Variants in TRH observed in about 807,000 individuals in gnomAD.
TRH encodes TSH-releasing factor.
Under a neutral mutation model 5.2 loss-of-function variants are expected in TRH, and 5 were observed. That is an observed-to-expected ratio of 0.95 (90% CI 0.50 to 2.00). The LOEUF (loss-of-function observed/expected upper bound fraction) is 2.00. TRH is among the 30% of genes most tolerant of loss of function. The pLI is 0.01. For missense variants in TRH, 318 were observed against 312.8 expected (o/e 1.02, Z -0.13); for synonymous variants, 131 against 128.6 (o/e 1.02, Z -0.13).
intron 1 of TRH, 52 bp from the exon 2 acceptor site, chr3:129,975,757 C>T: frequency 6.7e-7 from 1 of 1,495,272 alleles, no homozygotes; most frequent in Non-Finnish European, 9.0e-7. Context: ...GGAGATGGAG[C>T]GGGATGTGCT....
rs1378408349 is a variant in TRH at position 129,977,611 on chromosome 3, CGTT to C, written c.*398_*400del. 6.2e-6 allele frequency: 1 copy of C among 162,224 alleles called. No homozygotes were observed. Among genetic ancestry groups the C allele is most frequent in the Non-Finnish European group, 1.3e-5 (1 of 75,030 alleles). 10.0% of individuals were successfully genotyped at this position (162,224 alleles called of 1,614,324 possible). On this transcript the variant is annotated 3_prime_UTR_variant, in exon 3 of 3. Coordinates refer to ENST00000302649, the MANE Select transcript of TRH (RefSeq NM_007117.5). Reference sequence around the variant, plus strand: ...CAGTGAGGGTGGGGTGGGACTGAAGCGTTGTGTGCAAATCCAGCTTCCATCCCC... The same window carrying C: ...CAGTGAGGGTGGGGTGGGACTGAAGCGTGTGCAAATCCAGCTTCCATCCCC...
chr3:129,976,209 C>T (rs2062542893), intron 2 of TRH, among the ~76,000 whole-genome samples, 182 bp downstream of exon 2: 2 of 152,262 alleles, frequency 1.3e-5, no homozygotes, highest in African/African-American at 4.8e-5. Flanking sequence ...TCAGATTCCT[C>T]CCCTGTCTCA....
rs1347706803 is a variant in TRH, at chr3:129,975,826, C to T, written c.10C>T (p.Pro4Ser). ...TAACCCAGACGCCGCGATGCCCGGC[C>T]CTTGGTTGCTGCTCGCTCTGGCTTT... Reference protein sequence around the residue: MPGPWLLLALALTL... With the variant: MPGSWLLLALALTL... The change falls in exon 2 of 3, where the codon CCT becomes TCT. Residue 4 changes from proline (P) to serine (S), a missense_variant. Pro to Ser is a moderately conservative substitution (Grantham distance 74, BLOSUM62 -1). Coordinates refer to ENST00000302649, the MANE Select transcript of TRH (RefSeq NM_007117.5). The T allele has an allele frequency of 1.2e-6, 2 of 1,608,628 alleles. No individual in the cohort carries two copies. The highest frequency in any genetic ancestry group is 1.7e-6 in the Non-Finnish European group (2 of 1,178,754).
At chr3:129,976,673 C>T (rs753377630) in intron 2 of TRH, 26 bp from the exon 3 acceptor site, 2 of 1,596,532 alleles carry the variant, frequency 1.3e-6, no homozygotes, top group Non-Finnish European at 1.7e-6. Context: ...GTCAGGGGCC[C>T]CTCACTGACC....
At chr3:129,976,103 G>C (rs1463582421) in intron 2 of TRH, 76 bp downstream of exon 2, 1 of 1,507,950 alleles carries the variant, frequency 6.6e-7, no homozygotes, top group African/African-American at 1.4e-5. Context: ...GCAAAGGGGA[G>C]GGGAGGCTTG....
intron 2 of TRH, 133 bp from the exon 3 acceptor site, chr3:129,976,566 A>G: frequency 1.0e-6 from 1 of 993,160 alleles, no homozygotes; most frequent in Non-Finnish European, 1.5e-6. Context: ...CCTGAGGGGC[A>G]GGTGCAAGAC....
chr3:129,975,984 G>A lies in TRH; in HGVS notation c.168G>A (p.Arg56=), dbSNP rs775338963. Residue 56 remains arginine (R), a synonymous_variant, in exon 2 of 3, where the codon CGG becomes CGA. Transcript: ENST00000302649. ...AGGTGGAGCGCCTCCTCTTCCTCCGGGAAAACATCCAGCGGCTGCAAGGGG... is the reference window on the plus strand; with the variant it reads ...AGGTGGAGCGCCTCCTCTTCCTCCGAGAAAACATCCAGCGGCTGCAAGGGG... The part of the protein sequence containing the change: ...LRQVERLLFL[R]ENIQRLQGDQ... 1 of 1,614,060 alleles carries A rather than the reference G, an allele frequency of 6.2e-7. No homozygotes were observed.
In TRH at chr3:129,976,968, C is replaced by G; in HGVS notation, c.481C>G (p.Pro161Ala). Residue 161 changes from proline to alanine, a missense_variant, in exon 3 of 3, where the codon CCC (proline) becomes GCC (alanine). Pro to Ala is a conservative substitution (Grantham distance 27, BLOSUM62 -1). Coordinates refer to ENST00000302649, the MANE Select transcript of TRH (RefSeq NM_007117.5). The stretch of plus-strand genomic sequence containing the variant: ...GCACCCAGGCAGAAGGCTGGCAGAT[C>G]CCAAGGCTCAAAGGAGCTGGGAAGA... The part of the protein sequence containing the change: ...RQHPGRRLAD[P>A]KAQRSWEEEE... 6.2e-7 allele frequency: 1 copy of G among 1,613,054 alleles called. No homozygotes were observed. Among genetic ancestry groups the G allele is most frequent in the Non-Finnish European group, 8.5e-7 (1 of 1,179,750 alleles).
At chr3:129,976,670 G>A (rs766048666) in intron 2 of TRH, 29 bp from the exon 3 acceptor site, 1 of 1,593,850 alleles carries the variant, frequency 6.3e-7, no homozygotes, top group Non-Finnish European at 8.6e-7. Flanking sequence ...TGGGTCAGGG[G>A]CCCCTCACTG....
rs1268801293 is a variant in TRH at position 129,976,079 on chromosome 3, G to A, written c.211+52G>A. On this transcript the variant is annotated intron_variant, in intron 2 of 2. Coordinates refer to ENST00000302649, the MANE Select transcript of TRH (RefSeq NM_007117.5). ...GTGGGGCTAGGCTATTGGGAGAGCC[G>A]TGGAAACCTGCCGGCAAAGGGGAGG... 7.0e-6 allele frequency: 11 copies of A among 1,576,530 alleles called. No homozygotes were observed. The East Asian group carries it at 1.4e-4, about 20-fold the overall frequency.
chr3:129,975,456 T>C (rs1407692119), intron 1 of TRH, among the ~76,000 whole-genome samples: 5 of 151,958 alleles, frequency 3.3e-5, no homozygotes, highest in Admixed American at 3.3e-4. Flanking sequence ...GCAATCTCAA[T>C]GGTTGCACTC....
chr3:129,977,312 C>T lies in TRH; in HGVS notation c.*96C>T. 1 of 1,404,620 alleles carries T rather than the reference C, an allele frequency of 7.1e-7. No individual in the cohort carries two copies. Among genetic ancestry groups the T allele is most frequent in the Non-Finnish European group, 9.3e-7 (1 of 1,077,222 alleles). 87.0% of individuals were successfully genotyped at this position (1,404,620 alleles called of 1,614,324 possible). ...ACCTCTGTATTCTCTAGTTAGATCC[C>T]TGACCATAAGCCTGAGCCCCTCCCT... On this transcript the variant is annotated 3_prime_UTR_variant, in exon 3 of 3. Coordinates refer to ENST00000302649, the MANE Select transcript of TRH (RefSeq NM_007117.5).
rs1487065080 is a variant in TRH, at chr3:129,975,925, G to A, written c.109G>A (p.Ala37Thr). 1 of 1,613,586 alleles carries A rather than the reference G, an allele frequency of 6.2e-7. No homozygotes were observed. Among genetic ancestry groups the A allele is most frequent in the Non-Finnish European group, 8.5e-7 (1 of 1,179,898 alleles). The change falls in exon 2 of 3, where the codon GCG (alanine) becomes ACG (threonine). Residue 37 changes from alanine (A) to threonine (T), a missense_variant. By Grantham distance (58) the Ala-to-Thr change is moderately conservative. Coordinates refer to ENST00000302649, the MANE Select transcript of TRH (RefSeq NM_007117.5). ...GGCCCAGCAGGAGGCAGTGACGGCCGCGGAGCATCCGGGCCTGGATGACTT... is the reference window on the plus strand; with the variant it reads ...GGCCCAGCAGGAGGCAGTGACGGCCACGGAGCATCCGGGCCTGGATGACTT... ...EAAQQEAVTAAEHPGLDDFLR... is the reference protein window; with the variant it reads ...EAAQQEAVTATEHPGLDDFLR...
intron 1 of TRH, among the ~76,000 whole-genome samples, 189 bp downstream of exon 1, chr3:129,975,012 G>C (rs931156190): frequency 4.6e-5 from 7 of 152,140 alleles, no homozygotes; most frequent in African/African-American, 1.7e-4. Context: ...CGGGAGGCAC[G>C]GCGCGGGCAC....
rs745353925 is a variant in TRH at position 129,976,993 on chromosome 3, AAGAGGAGGAGGAGGAAGAG to A, written c.511_529del (p.Glu171ArgfsTer4). The A allele has an allele frequency of 6.2e-7, 1 of 1,612,926 alleles. No homozygotes were observed. Among genetic ancestry groups the A allele is most frequent in the Non-Finnish European group, 8.5e-7 (1 of 1,179,648 alleles). ...CCCAAGGCTCAAAGGAGCTGGGAAG[AAGAGGAGGAGGAGGAAGAG>A]AGAGAGGAAGACCTGATGCCTGAAA... On this transcript the variant is annotated frameshift_variant, in exon 3 of 3. Transcript: ENST00000302649. LOFTEE classifies it low-confidence loss of function (END_TRUNC).
rs879718656 is a variant in TRH, at chr3:129,977,253, G to A, written c.*37G>A. On this transcript the variant is annotated 3_prime_UTR_variant, in exon 3 of 3. Transcript: ENST00000302649. The stretch of plus-strand genomic sequence containing the variant: ...CCTGAAGTCGAGTTTGTGGTCTAAG[G>A]ATGTCTTGAGCCCTGTGTGCCCCAC... 1 of 1,509,038 alleles carries A rather than the reference G, an allele frequency of 6.6e-7. No individual in the cohort carries two copies. The highest frequency in any genetic ancestry group is 8.8e-7 in the Non-Finnish European group (1 of 1,132,218). The allele number at this position is 1,509,038 out of a possible 1,614,324, so 93.5% of individuals were successfully genotyped here.
Position 129,976,816 on chromosome 3 carries a change from C to T in TRH, c.329C>T (p.Pro110Leu), listed in dbSNP as rs756356142. ...GAGGAAGAAGGGGGGGCTGTGGGAC[C>T]CCACAAACGGCAGCACCCTGGCCGA... is the stretch of plus-strand genomic sequence containing the variant. Reference protein sequence around the residue: ...EEEEEGGAVGPHKRQHPGRRE... With the variant: ...EEEEEGGAVGLHKRQHPGRRE... The change falls in exon 3 of 3, where the codon CCC becomes CTC. Residue 110 changes from proline (P) to leucine (L), a missense_variant. Coordinates refer to ENST00000302649, the MANE Select transcript of TRH (RefSeq NM_007117.5). 10 of 1,613,580 alleles carry T rather than the reference C, an allele frequency of 6.2e-6. No individual in the cohort carries two copies. In the African/African-American group the frequency reaches 9.4e-5, roughly 15 times the overall value.
Position 129,976,788 on chromosome 3 carries a change from G to A in TRH, c.301G>A (p.Glu101Lys), listed in dbSNP as rs1350242063. ...GGAGGAAGAGGGAGTTGAAGAAGAG[G>A]AAGAGGAAGAAGGGGGGGCTGTGGG... The part of the protein sequence containing the change: ...EEEEEGVEEE[E>K]EEEGGAVGPH... Residue 101 changes from glutamate (E) to lysine (K), a missense_variant, in exon 3 of 3, where the codon GAA (glutamate) becomes AAA (lysine). Transcript: ENST00000302649. 6.2e-7 allele frequency: 1 copy of A among 1,613,748 alleles called. No homozygotes were observed. The highest frequency in any genetic ancestry group is 1.1e-5 in the South Asian group (1 of 91,050).
chr3:129,975,759 G>C, intron 1 of TRH, 50 bp from the exon 2 acceptor site: 6 of 1,509,280 alleles, frequency 4.0e-6, no homozygotes, highest in Non-Finnish European at 5.4e-6. Flanking sequence ...AGATGGAGCG[G>C]GATGTGCTGT....
Sources: gnomAD v4.1 joint callset for allele counts (sites outside exome capture counted in the v4.1 genomes callset) on GRCh38, gnomAD v4.1.1 for gene constraint, MANE v1.5 for transcripts, NCBI Gene and HGNC (gene_info 2026-07-23, HGNC 2026-07-21) for gene names.